Variants in XKR5 observed in about 807,000 individuals in gnomAD.
XKR5 encodes XK related 5.
In XKR5, 46 loss-of-function variants were observed where a neutral mutation model predicts 40.8. That is an observed-to-expected ratio of 1.13 (90% CI 0.89 to 1.44). The LOEUF (loss-of-function observed/expected upper bound fraction) is 1.44. Among genes scored for constraint, XKR5 ranks in the 40% most tolerant of loss-of-function variants. The pLI, the probability that XKR5 is intolerant of heterozygous loss-of-function variation, is 0.00. For missense variants in XKR5, 1,169 were observed against 844.7 expected (o/e 1.38, Z -4.76); for synonymous variants, 466 against 356.1 (o/e 1.31, Z -3.48).
chr8:6,827,621 C>T (rs1281750109), intron 2 of XKR5, among the ~76,000 whole-genome samples: 3 of 152,172 alleles, frequency 2.0e-5, no homozygotes, highest in South Asian at 2.1e-4. Context: ...TTAAGAAAAA[C>T]ATATGACACT....
chr8:6,833,225 A>G (rs1268860078), intron 1 of XKR5, among the ~76,000 whole-genome samples: 2 of 152,096 alleles, frequency 1.3e-5, no homozygotes, highest in African/African-American at 4.8e-5. Context: ...CCACCCTTAT[A>G]CCCCAAAGCC....
chr8:6,833,684 C>G (rs1313627647), intron 1 of XKR5, among the ~76,000 whole-genome samples: 4 of 152,156 alleles, frequency 2.6e-5, no homozygotes, highest in African/African-American at 7.2e-5. Flanking sequence ...CCACTGCATT[C>G]CAGCCTGGGC....
chr8:6,822,692 G>A (rs1035970987), intron 4 of XKR5, among the ~76,000 whole-genome samples: 2 of 152,166 alleles, frequency 1.3e-5, no homozygotes, highest in African/African-American at 2.4e-5. Context: ...TATATTCACT[G>A]ATGACCAGAG....
At chr8:6,815,757 A>T in intron 6 of XKR5, 50 bp downstream of exon 6, 3 of 1,377,232 alleles carry the variant, frequency 2.2e-6, no homozygotes, top group Non-Finnish European at 3.0e-6. Flanking sequence ...GTAAAAAAAA[A>T]AAATACGTTG....
In XKR5 at chr8:6,834,711, G is replaced by A. The variant is rs570920820; in HGVS notation, c.58+725C>T. Among the ~76,000 whole-genome samples, 144 of 146,134 alleles carry A rather than the reference G, an allele frequency of 9.9e-4. 3 individuals carry two copies. In the South Asian group the frequency reaches 0.03, roughly 30 times the overall value. On this transcript the variant is annotated intron_variant, in intron 1 of 6. Transcript: ENST00000618742. ...GGACTCTGCCCGGGAAAAAGCTTCC[G>A]CAGGGAGCCCGGCGGAAGTGGGCGG...
At chr8:6,833,887 G>A (rs1344490513) in intron 1 of XKR5, among the ~76,000 whole-genome samples, 4 of 152,194 alleles carry the variant, frequency 2.6e-5, no homozygotes, top group Non-Finnish European at 2.9e-5. Context: ...TGTGTGAAGC[G>A]CCTAGCATCT....
rs1220319096 is a variant in XKR5 at position 6,810,436 on chromosome 8, G to A, written c.*762C>T. On this transcript the variant is annotated 3_prime_UTR_variant, in exon 7 of 7. Coordinates refer to ENST00000618742, the MANE Select transcript of XKR5 (RefSeq NM_207411.5). ...GAGATGGGGTGGAAAGCAGCAGTGG[G>A]AGCTGGAAGGGAACTCTTGGCTGGC... 6.6e-6 allele frequency: 1 copy of A among 152,290 alleles called. No homozygotes were observed. The highest frequency in any genetic ancestry group is 2.4e-5 in the African/African-American group (1 of 41,432). 9.4% of individuals were successfully genotyped at this position (152,290 alleles called of 1,614,324 possible).
Position 6,812,063 on chromosome 8 carries a change from A to T in XKR5, c.1196T>A (p.Phe399Tyr), listed in dbSNP as rs1803738790. 1.9e-6 allele frequency: 3 copies of T among 1,539,984 alleles called. No homozygotes were observed. The Admixed American group carries it at 5.9e-5, about 30-fold the overall frequency. Residue 399 changes from phenylalanine (F) to tyrosine (Y), a missense_variant, in exon 7 of 7, where the codon TTC (phenylalanine) becomes TAC (tyrosine). Phe to Tyr is a conservative substitution (Grantham distance 22). Transcript: ENST00000618742. ...CCACAGCCAGTGGTGATGACTGAGG[A>T]AAGAGTCCTCCACAGCAACCTGGGT... ...LGTQVAVEDS[F>Y]LSHHHWLWVK... is the part of the protein sequence containing the mutation.
At position 6,823,611 on chromosome 8, in the gene XKR5, G is replaced by C. The variant is rs761138018; in HGVS notation, c.547C>G (p.Gln183Glu). 3.1e-6 allele frequency: 5 copies of C among 1,595,558 alleles called. No individual in the cohort carries two copies. The highest frequency in any genetic ancestry group is 4.3e-6 in the Non-Finnish European group (5 of 1,171,192). ...CCCAACATGCCCATCCTCCAGAGCT[G>C]CTGGCAGAAGAGGGCGGCCCATGGC... ...AMPWAALFCQQLWRMGMLGTR... is the reference protein window; with the variant it reads ...AMPWAALFCQELWRMGMLGTR... Residue 183 changes from glutamine to glutamate, a missense_variant, in exon 4 of 7, where the codon CAG (glutamine) becomes GAG (glutamate). By Grantham distance (29) the Gln-to-Glu change is conservative (BLOSUM62 2). Transcript: ENST00000618742.
intron 2 of XKR5, among the ~76,000 whole-genome samples, chr8:6,825,978 G>A (rs940724433): frequency 2.0e-5 from 3 of 152,150 alleles, no homozygotes; most frequent in African/African-American, 7.2e-5. Flanking sequence ...CTGAACTTCA[G>A]GCTATGGGGT....
intron 6 of XKR5, among the ~76,000 whole-genome samples, chr8:6,813,651 C>T (rs760350444): frequency 2.6e-5 from 4 of 152,160 alleles, no homozygotes; most frequent in African/African-American, 9.6e-5. Flanking sequence ...CATCAGAGGC[C>T]GGAGGAGGAG....
chr8:6,835,433 C>A lies in XKR5; in HGVS notation c.58+3G>T. On this transcript the variant is annotated splice_donor_region_variant and intron_variant, in intron 1 of 6. Coordinates refer to ENST00000618742, the MANE Select transcript of XKR5 (RefSeq NM_207411.5). ...GAGCACAGCCTCGGGCTGCCGCACTCACGCGCGCTCTGCTCGGCCGCCTGC... is the reference window on the plus strand; with the variant it reads ...GAGCACAGCCTCGGGCTGCCGCACTAACGCGCGCTCTGCTCGGCCGCCTGC... The A allele has an allele frequency of 6.7e-7, 1 of 1,483,488 alleles. No individual in the cohort carries two copies. Among genetic ancestry groups the A allele is most frequent in the Non-Finnish European group, 8.9e-7 (1 of 1,123,762 alleles). 91.9% of individuals were successfully genotyped at this position (1,483,488 alleles called of 1,614,324 possible).
chr8:6,816,676 T>C lies in XKR5; in HGVS notation c.808-758A>G, dbSNP rs904659664. Reference sequence around the variant, plus strand: ...ATTTATTTTTATTTAATTAAATAATTATTTAATTTAATTAAAAATAATTTA... The same window carrying C: ...ATTTATTTTTATTTAATTAAATAATCATTTAATTTAATTAAAAATAATTTA... On this transcript the variant is annotated intron_variant, in intron 5 of 6. Coordinates refer to ENST00000618742, the MANE Select transcript of XKR5 (RefSeq NM_207411.5). 1.2e-4 allele frequency among the ~76,000 whole-genome samples: 15 copies of C among 123,386 alleles called. 1 individual carries two copies. The highest frequency in any genetic ancestry group is 4.6e-4 in the African/African-American group (15 of 32,568). The allele number at this position is 123,386 out of a possible 152,430, so 80.9% of individuals were successfully genotyped here.
rs141392446 is a variant in XKR5, at chr8:6,824,043, G to A, written c.428-313C>T. On this transcript the variant is annotated intron_variant, in intron 3 of 6. Transcript: ENST00000618742. ...TACGCCCTTTAAGAAAAACGTCCCA[G>A]CTCCTGATCCTCTAAGTCCTCTGTA... Among the ~76,000 whole-genome samples, 682 of 152,280 alleles carry A rather than the reference G, an allele frequency of 4.5e-3. 4 individuals carry two copies. The highest frequency in any genetic ancestry group is 0.015 in the African/African-American group (603 of 41,552).
chr8:6,826,111 AAC>A (rs1401899091), intron 2 of XKR5, among the ~76,000 whole-genome samples: 1 of 152,102 alleles, frequency 6.6e-6, no homozygotes, highest in Non-Finnish European at 1.5e-5. Flanking sequence ...TATATGGGTG[AAC>A]ACACATGTGG....
intron 6 of XKR5, among the ~76,000 whole-genome samples, chr8:6,814,363 C>T (rs1414831039): frequency 6.6e-6 from 1 of 152,178 alleles, no homozygotes; most frequent in Non-Finnish European, 1.5e-5. Flanking sequence ...GCCAAGTGAA[C>T]AAGACCGATC....
chr8:6,813,229 A>T (rs1330617134), intron 6 of XKR5, among the ~76,000 whole-genome samples: 4 of 152,176 alleles, frequency 2.6e-5, no homozygotes, highest in African/African-American at 9.7e-5. Flanking sequence ...CCAACCTTGG[A>T]AAGGGAGGTG....
Position 6,811,107 on chromosome 8 carries a change from C to G in XKR5, c.*91G>C. 1.6e-6 allele frequency: 2 copies of G among 1,265,732 alleles called. No homozygotes were observed. The highest frequency in any genetic ancestry group is 1.1e-6 in the Non-Finnish European group (1 of 936,660). The allele number at this position is 1,265,732 out of a possible 1,614,324, so 78.4% of individuals were successfully genotyped here. A position where few individuals can be genotyped will look rare whatever the true frequency, so the allele number is the denominator to read the frequency against. ...GAGGTGACAGTGATGTGCCCAAGGA[C>G]ACAGGTGTCAGAAGTGGGATTTCCT... On this transcript the variant is annotated 3_prime_UTR_variant, in exon 7 of 7. Transcript: ENST00000618742.
Position 6,809,864 on chromosome 8 carries a change from A to C in XKR5, c.*1334T>G, listed in dbSNP as rs1365342573. The stretch of plus-strand genomic sequence containing the variant: ...GGTGGCTCACGCCTGTAATCCCAGC[A>C]CTTTGGGAGGCCGAGATGGGCAGAT... On this transcript the variant is annotated 3_prime_UTR_variant, in exon 7 of 7. Transcript: ENST00000618742. 6.6e-6 allele frequency: 1 copy of C among 152,382 alleles called. No homozygotes were observed. The highest frequency in any genetic ancestry group is 1.5e-5 in the Non-Finnish European group (1 of 68,190). 9.4% of individuals were successfully genotyped at this position (152,382 alleles called of 1,614,324 possible).
Sources: allele counts gnomAD v4.1 joint callset (sites outside exome capture counted in the v4.1 genomes callset), GRCh38; gene constraint gnomAD v4.1.1; transcripts MANE v1.5; gene names NCBI Gene and HGNC (gene_info 2026-07-23, HGNC 2026-07-21).